The following AGTPBP1 variants were observed in gnomAD, a reference collection of about 807,000 sequenced individuals.
The protein encoded by AGTPBP1 is cytosolic carboxypeptidase 1.
Under a neutral mutation model 143.9 loss-of-function variants are expected in AGTPBP1, and 70 were observed. The ratio of observed to expected loss-of-function variants is 0.49; its 90% CI spans 0.40 to 0.59. The LOEUF (loss-of-function observed/expected upper bound fraction) is 0.59. Ranked by LOEUF, AGTPBP1 falls within the 20% of genes least tolerant of loss-of-function variation. The probability of loss-of-function intolerance (pLI) is 0.00; values close to 1 mark genes in which losing one functional copy is unlikely to be tolerated. For missense variants in AGTPBP1, 1,229 were observed against 1,464.5 expected (o/e 0.84, Z 2.62); for synonymous variants, 463 against 500.2 (o/e 0.93, Z 0.99).
intron 23 of AGTPBP1, among the ~76,000 whole-genome samples, chr9:85,580,345 A>C (rs1021398646): frequency 4.0e-5 from 6 of 151,684 alleles, no homozygotes; most frequent in African/African-American, 1.2e-4. Context: ...AATTTCTCAT[A>C]AATTGTTTTT....
intron 3 of AGTPBP1, among the ~76,000 whole-genome samples, chr9:85,689,291 A>G (rs1436706150): frequency 6.6e-6 from 1 of 152,126 alleles, no homozygotes; most frequent in Non-Finnish European, 1.5e-5. Flanking sequence ...TTCCCAGAAA[A>G]CGCTAGCCAT....
At chr9:85,687,126 A>C (rs530824830) in intron 3 of AGTPBP1, among the ~76,000 whole-genome samples, 8 of 152,202 alleles carry the variant, frequency 5.3e-5, no homozygotes, top group Non-Finnish European at 1.2e-4. Context: ...TAAGTCTAGA[A>C]CTATTATGAG....
Position 85,642,276 on chromosome 9 carries a change from T to G in AGTPBP1, c.1302+551A>C, listed in dbSNP as rs79252413. 6.0e-3 allele frequency among the ~76,000 whole-genome samples: 910 copies of G among 152,222 alleles called. 10 individuals carry two copies. Among genetic ancestry groups the G allele is most frequent in the African/African-American group, 0.02 (847 of 41,524 alleles). ...TAATCCAGGCTGAATAAAAAAACTG[T>G]GTCCATTAAAGTGATGCAAAAAGAC... On this transcript the variant is annotated intron_variant, in intron 13 of 25. Transcript: ENST00000357081.
At chr9:85,563,632 C>G (rs913790717) in intron 25 of AGTPBP1, among the ~76,000 whole-genome samples, 18 of 152,194 alleles carry the variant, frequency 1.2e-4, no homozygotes, top group African/African-American at 3.9e-4. Context: ...TTGTAACAAA[C>G]GAGAAAGACA....
chr9:85,661,060 G>T, intron 8 of AGTPBP1, 87 bp from the exon 9 acceptor site: 1 of 1,149,882 alleles, frequency 8.7e-7, no homozygotes, highest in Non-Finnish European at 1.2e-6. Flanking sequence ...TTTTCAATAA[G>T]TCATTATTCT....
chr9:85,764,522 C>T, the AGTPBP1 span, among the ~76,000 whole-genome samples: 1 of 152,032 alleles, frequency 6.6e-6, no homozygotes, highest in Non-Finnish European at 1.5e-5. Context: ...AAGAGCAAAA[C>T]TCCATGTCAA....
intron 3 of AGTPBP1, among the ~76,000 whole-genome samples, chr9:85,684,325 C>T (rs1366398787): frequency 1.3e-5 from 2 of 152,190 alleles, no homozygotes; most frequent in Non-Finnish European, 2.9e-5. Flanking sequence ...TGCATTCCTT[C>T]CGCCAGTAAA....
rs373880345 is a variant in AGTPBP1, at chr9:85,619,254, A to T, written c.2147T>A (p.Phe716Tyr). ...TACTTTGCGCAGATTCCCAGACTCA[A>T]ATTTGGAGTTAAATTTCAAAATATC... ...EGDILKFNSK[F>Y]ESGNLRKVIQ... is the part of the protein sequence containing the mutation. Residue 716 changes from phenylalanine to tyrosine, a missense_variant, in exon 16 of 26, where the codon TTT becomes TAT. By Grantham distance (22) the Phe-to-Tyr change is conservative. This residue lies in a region of AGTPBP1 where 486 missense variants were observed against 652.3 expected (regional missense o/e 0.75). Coordinates refer to ENST00000357081, the MANE Select transcript of AGTPBP1 (RefSeq NM_001330701.2). 3.7e-6 allele frequency: 6 copies of T among 1,613,168 alleles called. No homozygotes were observed. The highest frequency in any genetic ancestry group is 5.1e-6 in the Non-Finnish European group (6 of 1,179,664).
the AGTPBP1 span, chr9:85,786,607 A>C: frequency 3.3e-5 from 52 of 1,572,920 alleles, no homozygotes; most frequent in Non-Finnish European, 4.2e-5. Context: ...CTTTTAGTAG[A>C]TATGTAAAAA....
the AGTPBP1 span, among the ~76,000 whole-genome samples, chr9:85,765,286 A>G: frequency 2.0e-5 from 3 of 152,138 alleles, no homozygotes; most frequent in Admixed American, 1.3e-4. Context: ...TTCTCTATAT[A>G]TATTTCTTGA....
At chr9:85,682,983 C>G (rs1294471237) in intron 3 of AGTPBP1, among the ~76,000 whole-genome samples, 1 of 152,154 alleles carries the variant, frequency 6.6e-6, no homozygotes, top group Non-Finnish European at 1.5e-5. Flanking sequence ...GAGTACATGT[C>G]ATATTTATCT....
chr9:85,761,787 A>G, the AGTPBP1 span, among the ~76,000 whole-genome samples: 2 of 152,232 alleles, frequency 1.3e-5, no homozygotes, highest in Non-Finnish European at 2.9e-5. Context: ...ATCTAATTAA[A>G]CTAAAGAGCT....
chr9:85,563,816 C>T (rs1049739455), intron 25 of AGTPBP1, among the ~76,000 whole-genome samples: 7 of 152,218 alleles, frequency 4.6e-5, no homozygotes, highest in Non-Finnish European at 8.8e-5. Flanking sequence ...GCCACCTGTG[C>T]CTGCAGGTTC....
chr9:85,699,741 T>C (rs1836525252), intron 2 of AGTPBP1, among the ~76,000 whole-genome samples: 1 of 152,314 alleles, frequency 6.6e-6, no homozygotes, highest in Non-Finnish European at 1.5e-5. Context: ...ATAACTTTTA[T>C]TCTGGCTTTA....
At chr9:85,580,948 A>G (rs1828218896) in intron 23 of AGTPBP1, among the ~76,000 whole-genome samples, 1 of 152,264 alleles carries the variant, frequency 6.6e-6, no homozygotes, top group Non-Finnish European at 1.5e-5. Context: ...TGCTACATGC[A>G]TATCTATACG....
In AGTPBP1 at chr9:85,570,695, C is replaced by T. The variant is rs897795157; in HGVS notation, c.3503+4620G>A. Among the ~76,000 whole-genome samples the T allele has an allele frequency of 1.3e-5, 2 of 152,198 alleles. 1 individual carries two copies. The highest frequency in any genetic ancestry group is 4.1e-4 in the South Asian group (2 of 4,836). Reference sequence around the variant, plus strand: ...CTTTTGCAGAGATTCTAGCTCAACACTCTGCCCATGATAGGTTGCAATAAA... The same window carrying T: ...CTTTTGCAGAGATTCTAGCTCAACATTCTGCCCATGATAGGTTGCAATAAA... On this transcript the variant is annotated intron_variant, in intron 25 of 25. Transcript: ENST00000357081.
At chr9:85,770,637 A>C in the AGTPBP1 span, 2 of 558,906 alleles carry the variant, frequency 3.6e-6, no homozygotes, top group African/African-American at 3.7e-5. Flanking sequence ...CTCTTTATAG[A>C]ACTAAATGTT....
the AGTPBP1 span, chr9:85,786,340 A>G: frequency 1.2e-6 from 2 of 1,613,474 alleles, no homozygotes; most frequent in African/African-American, 2.7e-5. Flanking sequence ...TAATGAGAAT[A>G]AAACAGAAAC....
the AGTPBP1 span, among the ~76,000 whole-genome samples, chr9:85,771,687 C>G: frequency 2.0e-5 from 3 of 148,392 alleles, no homozygotes; most frequent in African/African-American, 7.5e-5. Context: ...GAGTCTCGCT[C>G]TGTGGCCCAG....
Sources: gnomAD v4.1 joint callset for allele counts (sites outside exome capture counted in the v4.1 genomes callset) on GRCh38, gnomAD v4.1.1 for gene constraint, gnomAD v4.1.1 regional missense constraint, MANE v1.5 for transcripts, NCBI Gene and HGNC (gene_info 2026-07-23, HGNC 2026-07-21) for gene names.